The following DDX17 variants were observed in gnomAD, a reference collection of about 807,000 sequenced individuals.
DDX17 encodes probable ATP-dependent RNA helicase DDX17.
DDX17 carries 10 observed loss-of-function variants against 80.8 expected under a neutral mutation model. The observed-to-expected ratio is 0.12, with a 90% CI of 0.08 to 0.21. DDX17 has a LOEUF of 0.21. Among genes scored for constraint, DDX17 ranks in the 10% least tolerant of loss-of-function variants. The pLI is 1.00. For synonymous variants in DDX17, 339 were observed against 336.2 expected, an observed-to-expected ratio of 1.01 and a Z score of -0.09; for missense variants, 586 against 957.4, an observed-to-expected ratio of 0.61 and a Z score of 5.12.
intron 11 of DDX17, chr22:38,488,441 C>G: frequency 8.3e-7 from 1 of 1,202,184 alleles, no homozygotes; most frequent in Non-Finnish European, 1.0e-6. Flanking sequence ...GGTCTTCAGA[C>G]GCAAATTCCA....
At position 38,506,078 on chromosome 22, in the gene DDX17, C is replaced by A. The variant is rs747799685; in HGVS notation, c.160G>T (p.Val54Phe). The A allele has an allele frequency of 6.3e-7, 1 of 1,580,444 alleles. No homozygotes were observed. The highest frequency in any genetic ancestry group is 8.6e-7 in the Non-Finnish European group (1 of 1,163,902). Residue 54 changes from valine (V) to phenylalanine (F), a missense_variant, in exon 1 of 13, where the codon GTC becomes TTC. By Grantham distance (50) the Val-to-Phe change is conservative (BLOSUM62 -1). Transcript: ENST00000403230. ...AGGGCCTGCGGCTCCGGTCTGGTGACGACCGATGGCGGCGGCGCCTCCGCT... is the reference window on the plus strand; with the variant it reads ...AGGGCCTGCGGCTCCGGTCTGGTGAAGACCGATGGCGGCGGCGCCTCCGCT...
Position 38,498,170 on chromosome 22 carries a change from T to G in DDX17, c.673-20A>C. 1 of 1,611,690 alleles carries G rather than the reference T, an allele frequency of 6.2e-7. No homozygotes were observed. Among genetic ancestry groups the G allele is most frequent in the East Asian group, 2.2e-5 (1 of 44,854 alleles). Reference sequence around the variant, plus strand: ...GAGATACTGTGGAGGGGGGAAAGAATGACAACCTTACGCTTAGAAGTACAA... The same window carrying G: ...GAGATACTGTGGAGGGGGGAAAGAAGGACAACCTTACGCTTAGAAGTACAA... On this transcript the variant is annotated intron_variant, in intron 4 of 12. Transcript: ENST00000403230.
intron 1 of DDX17, among the ~76,000 whole-genome samples, chr22:38,504,915 G>C (rs977420190): frequency 1.4e-5 from 2 of 138,966 alleles, no homozygotes; most frequent in African/African-American, 2.5e-5. Flanking sequence ...TTGGGGAAGC[G>C]GGGGGGTCGG....
intron 1 of DDX17, among the ~76,000 whole-genome samples, chr22:38,502,126 GC>G (rs1259412342): frequency 1.3e-5 from 2 of 152,210 alleles, no homozygotes; most frequent in African/African-American, 4.8e-5. Flanking sequence ...AAAGAGCTGA[GC>G]CTGCCGGGGG....
In DDX17 at chr22:38,489,056, AATGT is replaced by A. The variant is rs2089689213; in HGVS notation, c.1448-945_1448-942del. ...AATGTTAGTGTAATGCTTTCAGCTG[AATGT>A]ATATTTTTACCTACTTAAACAAACA... is the stretch of plus-strand genomic sequence containing the variant. On this transcript the variant is annotated intron_variant, in intron 11 of 12. Coordinates refer to ENST00000403230, the MANE Select transcript of DDX17 (RefSeq NM_006386.5). The surrounding 1 kb of genome is among the most constrained non-coding windows in gnomAD (Gnocchi z 4.6). 2 of 984,346 alleles carry A rather than the reference AATGT, an allele frequency of 2.0e-6. No homozygotes were observed. The highest frequency in any genetic ancestry group is 2.4e-6 in the Non-Finnish European group (2 of 829,092). 61.0% of individuals were successfully genotyped at this position (984,346 alleles called of 1,614,324 possible). A position where few individuals can be genotyped will look rare whatever the true frequency, so the allele number is the denominator to read the frequency against.
At chr22:38,504,799 G>T (rs1043876918) in intron 1 of DDX17, among the ~76,000 whole-genome samples, 2 of 151,972 alleles carry the variant, frequency 1.3e-5, no homozygotes, top group African/African-American at 2.4e-5. Flanking sequence ...TGACAACACA[G>T]CAAAGTAAAG....
At chr22:38,487,816 A>C (rs2089675229) in intron 12 of DDX17, 63 bp downstream of exon 12, 1 of 1,567,348 alleles carries the variant, frequency 6.4e-7, no homozygotes, top group South Asian at 1.1e-5. Context: ...ACTAAAAGCA[A>C]GTCACAGAAG....
chr22:38,491,951 C>A, intron 11 of DDX17, 105 bp downstream of exon 11: 1 of 672,310 alleles, frequency 1.5e-6, no homozygotes, highest in Non-Finnish European at 2.4e-6. Context: ...TTTATCTAAC[C>A]ACATGTATAT....
At chr22:38,502,056 G>A (rs2089836096) in intron 1 of DDX17, among the ~76,000 whole-genome samples, 1 of 152,216 alleles carries the variant, frequency 6.6e-6, no homozygotes, top group Non-Finnish European at 1.5e-5. Flanking sequence ...TATCTGCAAA[G>A]CAAAACTGGG....
intron 5 of DDX17, 53 bp downstream of exon 5, chr22:38,498,032 G>A (rs894637124): frequency 1.3e-6 from 2 of 1,547,430 alleles, no homozygotes; most frequent in South Asian, 1.1e-5. Flanking sequence ...AGCCTAAATA[G>A]TCGCTAAATT....
chr22:38,485,885 T>C lies in DDX17; in HGVS notation c.*50A>G. ...GAGGAAAAAAAAAGGAAAGACAGTG[T>C]TCCTTAAAATGTAATTAAGTCTGCT... On this transcript the variant is annotated 3_prime_UTR_variant, in exon 13 of 13. Coordinates refer to ENST00000403230, the MANE Select transcript of DDX17 (RefSeq NM_006386.5). The C allele has an allele frequency of 6.4e-7, 1 of 1,566,132 alleles. No homozygotes were observed. The highest frequency in any genetic ancestry group is 8.6e-7 in the Non-Finnish European group (1 of 1,156,916).
chr22:38,489,824 A>G lies in DDX17; in HGVS notation c.1448-1709T>C, dbSNP rs2089695286. On this transcript the variant is annotated intron_variant, in intron 11 of 12. Coordinates refer to ENST00000403230, the MANE Select transcript of DDX17 (RefSeq NM_006386.5). This position sits in a 1 kb window ranked among gnomAD's most constrained non-coding sequence, Gnocchi z 4.6. ...CGCAACAAAGGAAAAAAGAATTTACAGGGCCAGGGTGGATGTAAGACAGGG... is the reference window on the plus strand; with the variant it reads ...CGCAACAAAGGAAAAAAGAATTTACGGGGCCAGGGTGGATGTAAGACAGGG... The G allele has an allele frequency of 4.1e-6, 4 of 985,528 alleles. No homozygotes were observed. The highest frequency in any genetic ancestry group is 4.8e-6 in the Non-Finnish European group (4 of 830,122). 61.0% of individuals were successfully genotyped at this position (985,528 alleles called of 1,614,324 possible). A position where few individuals can be genotyped will look rare whatever the true frequency, so the allele number is the denominator to read the frequency against.
chr22:38,493,353 T>C, intron 10 of DDX17: 1 of 170,326 alleles, frequency 5.9e-6, no homozygotes, highest in Non-Finnish European at 1.3e-5. Flanking sequence ...AGTTTTGTTT[T>C]GTTTTGTTTT....
chr22:38,485,923 A>G lies in DDX17; in HGVS notation c.*12T>C. 6.2e-7 allele frequency: 1 copy of G among 1,613,240 alleles called. No homozygotes were observed. The highest frequency in any genetic ancestry group is 8.5e-7 in the Non-Finnish European group (1 of 1,179,788). On this transcript the variant is annotated 3_prime_UTR_variant, in exon 13 of 13. Transcript: ENST00000403230. ...AATTAAGTCTGCTGGAGTCACTACC[A>G]CTTGAGTGGTTTCATTTACGTGAAG... is the stretch of plus-strand genomic sequence containing the variant.
chr22:38,493,850 T>C (rs960908593), intron 9 of DDX17, 79 bp from the exon 10 acceptor site: 53 of 1,444,558 alleles, frequency 3.7e-5, no homozygotes, highest in Non-Finnish European at 5.0e-5. Context: ...AATGCTATCA[T>C]GCAATTTTTG....
At chr22:38,499,552 A>T in intron 2 of DDX17, 53 bp from the exon 3 acceptor site, 2 of 1,396,564 alleles carry the variant, frequency 1.4e-6, no homozygotes, top group Non-Finnish European at 1.0e-6. Flanking sequence ...AAACATTCAG[A>T]ATTTATGTTC....
intron 5 of DDX17, among the ~76,000 whole-genome samples, chr22:38,496,384 A>G (rs949777633): frequency 1.3e-5 from 2 of 152,108 alleles, no homozygotes; most frequent in Non-Finnish European, 2.9e-5. Context: ...GTCTCACTCT[A>G]TCGCCCAGGC....
chr22:38,493,557 C>T, intron 10 of DDX17, 153 bp downstream of exon 10: 1 of 643,740 alleles, frequency 1.6e-6, no homozygotes, highest in Non-Finnish European at 2.8e-6. Context: ...TGCTGAGTGG[C>T]TATAACAGAG....
intron 11 of DDX17, chr22:38,491,204 T>C (rs1966783669): frequency 6.6e-6 from 1 of 152,262 alleles, no homozygotes; most frequent in Non-Finnish European, 1.5e-5. Context: ...TCATTACTTT[T>C]GTATTCCAGT....
Sources: gnomAD v4.1 joint callset for allele counts (sites outside exome capture counted in the v4.1 genomes callset) on GRCh38, gnomAD v4.1.1 for gene constraint, Gnocchi (gnomAD v3.1) non-coding constraint, MANE v1.5 for transcripts, NCBI Gene and HGNC (gene_info 2026-07-23, HGNC 2026-07-21) for gene names.